Variants in TMSB15B observed in about 807,000 individuals in gnomAD.
The protein encoded by TMSB15B is thymosin beta-15B.
At chrX:103,927,800 CCTT>C (rs2074972967) in intron 1 of TMSB15B, among the ~76,000 whole-genome samples, 1 of 110,114 alleles carries the variant, frequency 9.1e-6, no homozygotes, top group African/African-American at 3.3e-5. Flanking sequence ...TTCAAGTAAT[CCTT>C]CTTTGAATAT....
chrX:103,930,461 C>T (rs1208103602), intron 1 of TMSB15B, among the ~76,000 whole-genome samples: 1 of 110,784 alleles, frequency 9.0e-6, no homozygotes, highest in Non-Finnish European at 1.9e-5. Context: ...TCTTCAATAC[C>T]TCCCACTAGA....
exon 1 of TMSB15B, chrX:103,919,284 C>G (rs1439700827): frequency 8.9e-6 from 1 of 112,683 alleles, no homozygotes; most frequent in Non-Finnish European, 1.9e-5. Flanking sequence ...GCCCATTTCC[C>G]TTTCATCTGT....
At chrX:103,941,249 T>C (rs1296961027) in intron 1 of TMSB15B, among the ~76,000 whole-genome samples, 1 of 112,575 alleles carries the variant, frequency 8.9e-6, no homozygotes, top group Non-Finnish European at 1.9e-5. Context: ...CATTTATTGA[T>C]TGATGGACAC....
intron 1 of TMSB15B, chrX:103,931,736 A>G (rs1270607318): frequency 8.9e-6 from 1 of 112,022 alleles, no homozygotes; most frequent in Non-Finnish European, 1.9e-5. Context: ...ATCTTTTTGT[A>G]TGCTAATAAT....
In TMSB15B at chrX:103,948,524, T is replaced by C. The variant is rs374002164; in HGVS notation, c.-720-13497T>C. ...TTGTAATAGAAAAAATGGAAGCAACTTAAATGTCTATGAGGATGGAAATGC... is the reference window on the plus strand; with the variant it reads ...TTGTAATAGAAAAAATGGAAGCAACCTAAATGTCTATGAGGATGGAAATGC... On this transcript the variant is annotated intron_variant, in intron 1 of 3. Transcript: ENST00000419165. Among the ~76,000 whole-genome samples, 38 of 112,241 alleles carry C rather than the reference T, an allele frequency of 3.4e-4. 3 individuals are homozygous for C. Among genetic ancestry groups the C allele is most frequent in the Admixed American group, 2.4e-3 (25 of 10,619 alleles).
At position 103,922,069 on chromosome X, in the gene TMSB15B, A is replaced by ATC. The variant is rs1156457002; in HGVS notation, c.-721+2793_-721+2794dup. 1.7e-4 allele frequency among the ~76,000 whole-genome samples: 18 copies of ATC among 105,236 alleles called. No individual in the cohort carries two copies. In the East Asian group the frequency reaches 2.7e-3, roughly 16 times the overall value. The allele number at this position is 105,236 out of a possible 115,157, so 91.4% of individuals were successfully genotyped here. A position where few individuals can be genotyped will look rare whatever the true frequency, so the allele number is the denominator to read the frequency against. ...TTGTTATCTTGCCTTTATTCCTATT[A>ATC]TCTCTCTCTCTCTCTCTTTTTTTTT... On this transcript the variant is annotated intron_variant, in intron 1 of 3. Transcript: ENST00000419165.
chrX:103,932,948 A>G (rs1456302700), intron 1 of TMSB15B: 2 of 111,913 alleles, frequency 1.8e-5, no homozygotes, highest in African/African-American at 3.2e-5. Flanking sequence ...AGCCATCACA[A>G]AACACAATAT....
At chrX:103,920,247 A>G (rs1440117277) in intron 1 of TMSB15B, among the ~76,000 whole-genome samples, 2 of 111,801 alleles carry the variant, frequency 1.8e-5, no homozygotes, top group African/African-American at 6.5e-5. Flanking sequence ...CAGAACTCAT[A>G]CTATTAACTA....
At chrX:103,955,879 T>A (rs1345406761) in intron 1 of TMSB15B, among the ~76,000 whole-genome samples, 4 of 111,376 alleles carry the variant, frequency 3.6e-5, no homozygotes, top group Non-Finnish European at 5.7e-5. Flanking sequence ...GAAAAAATGT[T>A]AAAGGCAGCT....
chrX:103,945,240 G>C (rs1300519711), intron 1 of TMSB15B, among the ~76,000 whole-genome samples: 2 of 112,424 alleles, frequency 1.8e-5, no homozygotes, highest in Non-Finnish European at 1.9e-5. Context: ...GTTGCTATAA[G>C]TGAATACCTG....
chrX:103,940,774 C>T (rs1467632125), intron 1 of TMSB15B, among the ~76,000 whole-genome samples: 3 of 111,771 alleles, frequency 2.7e-5, no homozygotes, highest in South Asian at 3.8e-4. Flanking sequence ...AAAACTCCTA[C>T]GGCTAGCTTG....
intron 1 of TMSB15B, among the ~76,000 whole-genome samples, chrX:103,927,662 GTTT>G (rs1157847043): frequency 9.9e-5 from 8 of 80,869 alleles, no homozygotes; most frequent in Admixed American, 1.4e-4. Context: ...ATAGTGCCAG[GTTT>G]TTTTTTTTTT....
intron 1 of TMSB15B, among the ~76,000 whole-genome samples, chrX:103,953,471 A>G (rs1227792199): frequency 5.3e-5 from 6 of 112,682 alleles, no homozygotes; most frequent in Non-Finnish European, 7.5e-5. Flanking sequence ...ACCTCACAGG[A>G]TAAGACCTAC....
chrX:103,948,129 G>A (rs1556327715), intron 1 of TMSB15B, among the ~76,000 whole-genome samples: 1 of 111,367 alleles, frequency 9.0e-6, no homozygotes, highest in African/African-American at 3.3e-5. Flanking sequence ...CATGGCACAT[G>A]TATACCTATG....
At chrX:103,922,657 C>T (rs1418045457) in intron 1 of TMSB15B, among the ~76,000 whole-genome samples, 1 of 111,399 alleles carries the variant, frequency 9.0e-6, no homozygotes. Flanking sequence ...AATAGTGCTG[C>T]AATAAACATG....
chrX:103,922,699 T>C (rs1479851312), intron 1 of TMSB15B, among the ~76,000 whole-genome samples: 41 of 111,799 alleles, frequency 3.7e-4, no homozygotes, highest in Non-Finnish European at 7.1e-4. Flanking sequence ...CAGCATGATT[T>C]ATAATCCTTT....
chrX:103,951,092 C>T lies in TMSB15B; in HGVS notation c.-720-10929C>T, dbSNP rs2075038001. 4.5e-5 allele frequency among the ~76,000 whole-genome samples: 5 copies of T among 111,916 alleles called. No homozygotes were observed. In the Admixed American group the frequency reaches 4.8e-4, roughly 11 times the overall value. ...TCTTCTCCCTGTGTCTTCACATGGCCAGCCCTCAGTCTGTATTATCTGTGT... is the reference window on the plus strand; with the variant it reads ...TCTTCTCCCTGTGTCTTCACATGGCTAGCCCTCAGTCTGTATTATCTGTGT... On this transcript the variant is annotated intron_variant, in intron 1 of 3. Coordinates refer to the TMSB15B transcript ENST00000419165.
chrX:103,928,920 G>A (rs781873359), intron 1 of TMSB15B: 37 of 1,205,372 alleles, frequency 3.1e-5, no homozygotes, highest in Non-Finnish European at 3.8e-5. Context: ...GAGGCTCCCT[G>A]GTCATCCTAA....
At chrX:103,948,378 AT>A (rs201588128) in intron 1 of TMSB15B, among the ~76,000 whole-genome samples, 1,289 of 111,919 alleles carry the variant, frequency 0.012, 24 homozygotes, top group African/African-American at 0.04. Context: ...GTGGAAACTT[AT>A]TTGGCAGTGT....
Sources: gnomAD v4.1 joint callset for allele counts (sites outside exome capture counted in the v4.1 genomes callset) on GRCh38, gnomAD v4.1.1 for gene constraint, MANE v1.5 for transcripts, NCBI Gene and HGNC (gene_info 2026-07-23, HGNC 2026-07-21) for gene names.